The following PLBD2 variants were observed in gnomAD, a reference collection of about 807,000 sequenced individuals.
PLBD2 encodes the protein phospholipase B domain containing 2.
In PLBD2, 51 loss-of-function variants were observed where a neutral mutation model predicts 68.3. The ratio of observed to expected loss-of-function variants is 0.75; its 90% CI spans 0.60 to 0.94. The LOEUF is 0.94. Among genes scored for constraint, PLBD2 ranks in the 40% least tolerant of loss-of-function variants. The pLI is 0.00. For synonymous variants in PLBD2, 314 were observed against 339.3 expected, an observed-to-expected ratio of 0.93 and a Z score of 0.82; for missense variants, 729 against 792.2, an observed-to-expected ratio of 0.92 and a Z score of 0.96.
At chr12:113,380,138 T>G (rs1409168650) in intron 5 of PLBD2, among the ~76,000 whole-genome samples, 1 of 152,168 alleles carries the variant, frequency 6.6e-6, no homozygotes, top group East Asian at 1.9e-4. Context: ...TTTATTTATT[T>G]ATTTATTTAT....
chr12:113,362,942 A>G (rs946503253), intron 1 of PLBD2, among the ~76,000 whole-genome samples: 2 of 149,300 alleles, frequency 1.3e-5, no homozygotes, highest in Non-Finnish European at 3.0e-5. Flanking sequence ...GAGCCACTAT[A>G]CCCAGCTAAT....
At chr12:113,364,294 G>T (rs761103134) in intron 1 of PLBD2, among the ~76,000 whole-genome samples, 1 of 152,226 alleles carries the variant, frequency 6.6e-6, no homozygotes, top group Non-Finnish European at 1.5e-5. Flanking sequence ...TGGCCGCTCA[G>T]TTACTACTGG....
chr12:113,378,718 C>T (rs1053780392), intron 5 of PLBD2, among the ~76,000 whole-genome samples: 13 of 150,334 alleles, frequency 8.6e-5, no homozygotes, highest in Non-Finnish European at 1.5e-4. Context: ...CAGAGTCTCA[C>T]TCTGTTGCCC....
chr12:113,381,495 C>T (rs1957490257), intron 6 of PLBD2, among the ~76,000 whole-genome samples: 3 of 152,276 alleles, frequency 2.0e-5, no homozygotes, highest in Non-Finnish European at 2.9e-5. Flanking sequence ...ACACCCTTAG[C>T]GCAGAGAACG....
chr12:113,364,322 C>G (rs565887835), intron 1 of PLBD2, among the ~76,000 whole-genome samples: 1 of 152,314 alleles, frequency 6.6e-6, no homozygotes, highest in African/African-American at 2.4e-5. Context: ...GGCTGCACAG[C>G]TTTTTTGGTT....
chr12:113,386,853 G>A (rs1957557580), intron 9 of PLBD2, 84 bp from the exon 10 acceptor site: 2 of 1,515,232 alleles, frequency 1.3e-6, no homozygotes, highest in African/African-American at 2.8e-5. Flanking sequence ...ATGTCCTGGT[G>A]TGACTGCCCC....
rs779565875 is a variant in PLBD2, at chr12:113,384,056, G to T, written c.958-49G>T. 3 of 1,408,096 alleles carry T rather than the reference G, an allele frequency of 2.1e-6. No homozygotes were observed. The highest frequency in any genetic ancestry group is 1.6e-5 in the South Asian group (1 of 62,802). 87.2% of individuals were successfully genotyped at this position (1,408,096 alleles called of 1,614,324 possible). A position where few individuals can be genotyped will look rare whatever the true frequency, so the allele number is the denominator to read the frequency against. ...CATGACTGATGAAGTACTGCCACTT[G>T]GTGGCAGCATGCCTAGGCTGTGCAG... On this transcript the variant is annotated intron_variant, in intron 6 of 11. Transcript: ENST00000280800. This position sits in a 1 kb window ranked among gnomAD's most constrained non-coding sequence, Gnocchi z 4.2.
Position 113,388,794 on chromosome 12 carries a change from G to C in PLBD2, c.*168G>C. 1.5e-6 allele frequency: 1 copy of C among 666,204 alleles called. No homozygotes were observed. 41.3% of individuals were successfully genotyped at this position (666,204 alleles called of 1,614,324 possible). Reference sequence around the variant, plus strand: ...TGGGTCACGAACCTGATGGGGCTCAGAACTGACCCCCTCTCTCCCCCGAGG... The same window carrying C: ...TGGGTCACGAACCTGATGGGGCTCACAACTGACCCCCTCTCTCCCCCGAGG... On this transcript the variant is annotated 3_prime_UTR_variant, in exon 12 of 12. Coordinates refer to ENST00000280800, the MANE Select transcript of PLBD2 (RefSeq NM_173542.4).
chr12:113,374,783 C>T lies in PLBD2; in HGVS notation c.645-10C>T, dbSNP rs1957423852. 1.9e-6 allele frequency: 3 copies of T among 1,613,468 alleles called. No homozygotes were observed. The highest frequency in any genetic ancestry group is 2.5e-6 in the Non-Finnish European group (3 of 1,179,938). On this transcript the variant is annotated splice_polypyrimidine_tract_variant and intron_variant, in intron 4 of 11. Transcript: ENST00000280800. ...GCGTGGTAACCCTCTGATGCCCTGG[C>T]CCTCCTCAGCCTGCTGCAGCTCTCT...
At chr12:113,360,254 T>C (rs1957279084) in intron 1 of PLBD2, among the ~76,000 whole-genome samples, 1 of 151,952 alleles carries the variant, frequency 6.6e-6, no homozygotes, top group Non-Finnish European at 1.5e-5. Context: ...TGGAGGGAAC[T>C]GAAGCTTTGT....
intron 1 of PLBD2, 116 bp downstream of exon 1, chr12:113,359,006 G>A: frequency 2.5e-6 from 3 of 1,179,538 alleles, no homozygotes; most frequent in Non-Finnish European, 3.4e-6. Flanking sequence ...GTTTCTCTGG[G>A]GGTCAGCTAC....
intron 10 of PLBD2, 60 bp from the exon 11 acceptor site, chr12:113,387,684 G>A (rs1957564786): frequency 1.9e-6 from 3 of 1,551,826 alleles, no homozygotes; most frequent in Middle Eastern, 1.7e-4. Context: ...GAGGATTTTG[G>A]CCCCCGTCTT....
chr12:113,379,671 C>T (rs1565862723), intron 5 of PLBD2, among the ~76,000 whole-genome samples: 1 of 151,662 alleles, frequency 6.6e-6, no homozygotes, highest in Non-Finnish European at 1.5e-5. Context: ...GGTGAGGGTA[C>T]CTGCCGGGGG....
chr12:113,365,302 C>T (rs1406797303), intron 1 of PLBD2, among the ~76,000 whole-genome samples: 1 of 151,972 alleles, frequency 6.6e-6, no homozygotes. Flanking sequence ...GAATAAAACC[C>T]ATGTCATACG....
chr12:113,382,835 T>TTTTG (rs1335785271), intron 6 of PLBD2, among the ~76,000 whole-genome samples: 19 of 106,610 alleles, frequency 1.8e-4, no homozygotes, highest in East Asian at 2.8e-4. Context: ...TGGTGGTTTT[T>TTTTG]TGTGTGTGTG....
At chr12:113,385,398 C>T in intron 9 of PLBD2, 115 bp downstream of exon 9, 3 of 1,010,968 alleles carry the variant, frequency 3.0e-6, no homozygotes, top group Non-Finnish European at 4.5e-6. Flanking sequence ...TCCCAGCCTA[C>T]CCCCTTTTCT....
Position 113,390,074 on chromosome 12 carries a change from C to T in PLBD2, c.*1448C>T, listed in dbSNP as rs1281528484. 2.0e-5 allele frequency: 3 copies of T among 152,214 alleles called. No individual in the cohort carries two copies. The highest frequency in any genetic ancestry group is 7.2e-5 in the African/African-American group (3 of 41,432). The allele number at this position is 152,214 out of a possible 1,614,324, so 9.4% of individuals were successfully genotyped here. A position where few individuals can be genotyped will look rare whatever the true frequency, so the allele number is the denominator to read the frequency against. On this transcript the variant is annotated 3_prime_UTR_variant, in exon 12 of 12. Transcript: ENST00000280800. ...TCATCCAGCCATTGACTCATCCATCCACCTATGAGATCAGACAGGGAGGGA... is the reference window on the plus strand; with the variant it reads ...TCATCCAGCCATTGACTCATCCATCTACCTATGAGATCAGACAGGGAGGGA...
At chr12:113,380,945 G>T in intron 6 of PLBD2, 103 bp downstream of exon 6, 1 of 1,139,630 alleles carries the variant, frequency 8.8e-7, no homozygotes, top group Non-Finnish European at 1.3e-6. Context: ...CCAGGCTGCA[G>T]CCCAGTGCTG....
rs543360880 is a variant in PLBD2 at position 113,372,413 on chromosome 12, C to T, written c.385-236C>T. On this transcript the variant is annotated intron_variant, in intron 2 of 11. Transcript: ENST00000280800. The surrounding 1 kb of genome is among the most constrained non-coding windows in gnomAD (Gnocchi z 4.2). The stretch of plus-strand genomic sequence containing the variant: ...GGGGTCCCCAGTAGCAGAGGTGGTG[C>T]CATCAGTTATAGGCTTTGCAGGCTA... Among the ~76,000 whole-genome samples, 16 of 152,062 alleles carry T rather than the reference C, an allele frequency of 1.1e-4. No individual in the cohort carries two copies. Among genetic ancestry groups the T allele is most frequent in the Admixed American group, 8.5e-4 (13 of 15,288 alleles).
Sources: allele counts gnomAD v4.1 joint callset (sites outside exome capture counted in the v4.1 genomes callset), GRCh38; gene constraint gnomAD v4.1.1; non-coding constraint Gnocchi (gnomAD v3.1); transcripts MANE v1.5; gene names NCBI Gene and HGNC (gene_info 2026-07-23, HGNC 2026-07-21).